The following UTS2B variants were observed in gnomAD, a reference collection of about 807,000 sequenced individuals.
UTS2B encodes the protein urotensin 2B.
A neutral mutation model predicts 19.2 loss-of-function variants in UTS2B; 21 were observed. That is an observed-to-expected ratio of 1.09 (90% confidence interval 0.78 to 1.58). The LOEUF (loss-of-function observed/expected upper bound fraction) is 1.58. UTS2B is among the 40% of genes most tolerant of loss of function. UTS2B has a pLI of 0.00. For missense variants in UTS2B, 138 were observed against 130.3 expected, an observed-to-expected ratio of 1.06 and a Z score of -0.29; for synonymous variants, 57 against 50.2, an observed-to-expected ratio of 1.14 and a Z score of -0.58.
chr3:191,284,730 T>C (rs1716487156), intron 4 of UTS2B, among the ~76,000 whole-genome samples: 1 of 151,732 alleles, frequency 6.6e-6, no homozygotes, highest in Non-Finnish European at 1.5e-5. Flanking sequence ...TTTATAATTT[T>C]GTTTCACATC....
chr3:191,334,604 C>G (rs1159703089), upstream of UTS2B, among the ~76,000 whole-genome samples: 1 of 152,074 alleles, frequency 6.6e-6, no homozygotes, highest in Admixed American at 6.6e-5. Flanking sequence ...ACATTGGGGC[C>G]TAGAATTAGA....
In UTS2B at chr3:191,309,707, T is replaced by C. The variant is rs146367677; in HGVS notation, c.-181-5159A>G. 3.7e-4 allele frequency among the ~76,000 whole-genome samples: 57 copies of C among 152,054 alleles called. 2 individuals carry two copies. The highest frequency in any genetic ancestry group is 1.2e-3 in the African/African-American group (50 of 41,458). On this transcript the variant is annotated intron_variant, in intron 3 of 8. Transcript: ENST00000340524. The stretch of plus-strand genomic sequence containing the variant: ...TGCTGTTTTGGTAATAGCGCGTGAG[T>C]CAGTTATTGTGAGATCTGGTAATAC...
chr3:191,303,729 GT>G (rs1386217090), intron 4 of UTS2B, among the ~76,000 whole-genome samples: 1 of 152,312 alleles, frequency 6.6e-6, no homozygotes, highest in African/African-American at 2.4e-5. Context: ...GAGTTCTGAT[GT>G]TTTTATCTTG....
chr3:191,282,071 A>T lies in UTS2B; in HGVS notation c.103+16T>A. The T allele has an allele frequency of 6.4e-7, 1 of 1,555,898 alleles. No homozygotes were observed. Among genetic ancestry groups the T allele is most frequent in the South Asian group, 1.2e-5 (1 of 86,678 alleles). On this transcript the variant is annotated intron_variant, in intron 5 of 8. Transcript: ENST00000340524. ...TACTTACCCACCTGTAGGATTTTTA[A>T]TTGATATGCACGTACCTTGGGTAAG...
intron 7 of UTS2B, 78 bp downstream of exon 7, chr3:191,276,729 T>G (rs1417793166): frequency 1.6e-6 from 2 of 1,246,558 alleles, no homozygotes; most frequent in African/African-American, 3.1e-5. Flanking sequence ...ATAATTTATT[T>G]TAAAAAACAT....
intron 4 of UTS2B, among the ~76,000 whole-genome samples, chr3:191,298,232 CA>C (rs141361481): frequency 6.6e-6 from 1 of 151,526 alleles, no homozygotes; most frequent in Admixed American, 6.6e-5. Flanking sequence ...CATTGAATTC[CA>C]AAAAAAACAG....
At chr3:191,335,777 G>A in the UTS2B span, among the ~76,000 whole-genome samples, 252 of 152,086 alleles carry the variant, frequency 1.7e-3, no homozygotes, top group Middle Eastern at 0.014. Flanking sequence ...TTTCTTTGTC[G>A]TTTTAGTCAA....
the UTS2B span, among the ~76,000 whole-genome samples, chr3:191,337,342 A>G: frequency 6.6e-6 from 1 of 152,022 alleles, no homozygotes; most frequent in African/African-American, 2.4e-5. Flanking sequence ...ATGACAGCCT[A>G]TTTAATTTTT....
intron 1 of UTS2B, chr3:191,329,846 C>T: frequency 2.2e-6 from 2 of 927,856 alleles, no homozygotes; most frequent in Non-Finnish European, 3.2e-6. Context: ...CTGCGTTGGC[C>T]TTGCCCGGAC....
In UTS2B at chr3:191,268,282, G is replaced by C. The variant is rs1290815965; in HGVS notation, c.*134C>G. On this transcript the variant is annotated 3_prime_UTR_variant, in exon 9 of 9. Transcript: ENST00000340524. ...TTTACACAATCCCGCATGCAATTTTGTATTTACAATAATCAGGAGCATTTC... is the reference window on the plus strand; with the variant it reads ...TTTACACAATCCCGCATGCAATTTTCTATTTACAATAATCAGGAGCATTTC... The C allele has an allele frequency of 1.5e-6, 1 of 671,900 alleles. No homozygotes were observed. The highest frequency in any genetic ancestry group is 1.9e-5 in the African/African-American group (1 of 54,038). The allele number at this position is 671,900 out of a possible 1,614,324, so 41.6% of individuals were successfully genotyped here.
rs1373199743 is a variant in UTS2B, at chr3:191,328,716, T to C, written c.-664-7A>G. The stretch of plus-strand genomic sequence containing the variant: ...ATGAAACAGGAGAGGTTGTCTATTT[T>C]AGAGAGATAGAAATGTCACAATTAC... On this transcript the variant is annotated splice_polypyrimidine_tract_variant and splice_region_variant and intron_variant, in intron 1 of 8. Coordinates refer to ENST00000340524, the MANE Select transcript of UTS2B (RefSeq NM_198152.5). 6.6e-6 allele frequency: 1 copy of C among 152,220 alleles called. No individual in the cohort carries two copies. Among genetic ancestry groups the C allele is most frequent in the East Asian group, 1.9e-4 (1 of 5,180 alleles). The allele number at this position is 152,220 out of a possible 1,614,324, so 9.4% of individuals were successfully genotyped here.
chr3:191,287,154 A>G (rs1716566520), intron 4 of UTS2B, among the ~76,000 whole-genome samples: 1 of 152,112 alleles, frequency 6.6e-6, no homozygotes, highest in African/African-American at 2.4e-5. Flanking sequence ...AAAATCTGAT[A>G]GCTTCATTGC....
chr3:191,308,821 T>C (rs888366018), intron 3 of UTS2B, among the ~76,000 whole-genome samples: 3 of 151,926 alleles, frequency 2.0e-5, no homozygotes, highest in African/African-American at 7.3e-5. Context: ...TACTAGGATA[T>C]TGAGGATACT....
chr3:191,301,612 G>A (rs1469991822), intron 4 of UTS2B, among the ~76,000 whole-genome samples: 2 of 149,140 alleles, frequency 1.3e-5, no homozygotes, highest in Admixed American at 6.8e-5. Flanking sequence ...TCAACCTCCC[G>A]AGTAGCTGGG....
chr3:191,281,405 G>C (rs1276285423), intron 5 of UTS2B, among the ~76,000 whole-genome samples: 4 of 151,932 alleles, frequency 2.6e-5, no homozygotes, highest in African/African-American at 9.7e-5. Context: ...CTCAGTTTAA[G>C]AGCTACTTTT....
At chr3:191,311,769 C>T (rs546718560) in intron 3 of UTS2B, among the ~76,000 whole-genome samples, 1 of 152,192 alleles carries the variant, frequency 6.6e-6, no homozygotes, top group Non-Finnish European at 1.5e-5. Context: ...TATTTCTCAG[C>T]TGTGGCATAG....
intron 8 of UTS2B, among the ~76,000 whole-genome samples, chr3:191,273,729 G>T (rs371996357): frequency 6.6e-6 from 1 of 152,114 alleles, no homozygotes; most frequent in African/African-American, 2.4e-5. Flanking sequence ...CCTTTCTCTT[G>T]TACTTTCTTC....
chr3:191,292,559 T>C (rs1716748501), intron 4 of UTS2B, among the ~76,000 whole-genome samples: 1 of 152,190 alleles, frequency 6.6e-6, no homozygotes, highest in Admixed American at 6.5e-5. Context: ...TTTTCATAGA[T>C]TCCTTAGGAT....
At chr3:191,337,576 C>T in the UTS2B span, among the ~76,000 whole-genome samples, 1 of 152,002 alleles carries the variant, frequency 6.6e-6, no homozygotes, top group Non-Finnish European at 1.5e-5. Context: ...AACTCCTGAC[C>T]TCGTGATCCG....
Sources: allele counts gnomAD v4.1 joint callset (sites outside exome capture counted in the v4.1 genomes callset), GRCh38; gene constraint gnomAD v4.1.1; transcripts MANE v1.5; gene names NCBI Gene and HGNC (gene_info 2026-07-23, HGNC 2026-07-21).